The following RBFOX1 variants were observed in gnomAD, a reference collection of about 807,000 sequenced individuals.
RBFOX1 encodes RNA binding protein fox-1 homolog 1.
Under a neutral mutation model 57.7 loss-of-function variants are expected in RBFOX1, and 8 were observed. The ratio of observed to expected loss-of-function variants is 0.14; its 90% CI spans 0.08 to 0.25. The LOEUF (loss-of-function observed/expected upper bound fraction) is 0.25, where lower values mean the gene tolerates loss of function less well. Ranked by LOEUF, RBFOX1 falls within the 10% of genes least tolerant of loss-of-function variation. The pLI is 1.00. For synonymous variants in RBFOX1, 326 were observed against 222.4 expected, an observed-to-expected ratio of 1.47 and a Z score of -4.15; for missense variants, 611 against 548.5, an observed-to-expected ratio of 1.11 and a Z score of -1.14.
chr16:7,338,860 C>G (rs1051418683), intron 4 of RBFOX1, among the ~76,000 whole-genome samples: 1 of 152,148 alleles, frequency 6.6e-6, no homozygotes. Flanking sequence ...GCTGGCATTT[C>G]AGGTCTTGAT....
chr16:6,983,624 C>A (rs558791387), intron 3 of RBFOX1: 1 of 152,256 alleles, frequency 6.6e-6, no homozygotes, highest in South Asian at 2.1e-4. Flanking sequence ...ATATTAATTT[C>A]TTAATTTTTC....
At chr16:7,110,215 C>T (rs945941809) in intron 4 of RBFOX1, among the ~76,000 whole-genome samples, 1 of 149,184 alleles carries the variant, frequency 6.7e-6, no homozygotes, top group Non-Finnish European at 1.5e-5. Context: ...GAAAAAATAG[C>T]CAGGTGTGGC....
At chr16:6,373,874 A>C (rs1306830983) in intron 2 of RBFOX1, among the ~76,000 whole-genome samples, 1 of 152,124 alleles carries the variant, frequency 6.6e-6, no homozygotes, top group Non-Finnish European at 1.5e-5. Flanking sequence ...CTGTTTAAGA[A>C]GTTATTTTGG....
At chr16:5,790,551 A>T (rs1226975009) in intron 3 of RBFOX1, among the ~76,000 whole-genome samples, 2 of 151,778 alleles carry the variant, frequency 1.3e-5, no homozygotes. Flanking sequence ...AATGTAGCAC[A>T]TGTGGTAAAA....
intron 3 of RBFOX1, among the ~76,000 whole-genome samples, chr16:6,996,643 G>T (rs960970041): frequency 1.3e-5 from 2 of 152,180 alleles, no homozygotes; most frequent in South Asian, 4.1e-4. Flanking sequence ...GACGCACAAA[G>T]AAGCTAATTA....
chr16:5,717,121 G>C (rs1421301086), intron 3 of RBFOX1, among the ~76,000 whole-genome samples: 19 of 152,080 alleles, frequency 1.2e-4, no homozygotes, highest in Admixed American at 1.2e-3. Context: ...AGAGGGTCTG[G>C]TAGAAAGAGC....
chr16:6,041,167 C>T (rs77723113), intron 1 of RBFOX1, among the ~76,000 whole-genome samples: 12,693 of 152,132 alleles, frequency 0.083, 655 homozygotes, highest in African/African-American at 0.13. Context: ...TCCTGTTTTG[C>T]CTTTTCCAGA....
chr16:6,134,898 G>T (rs541055359), intron 1 of RBFOX1, among the ~76,000 whole-genome samples: 5 of 152,016 alleles, frequency 3.3e-5, no homozygotes, highest in Non-Finnish European at 7.4e-5. Context: ...ACAACGTGCA[G>T]GGTTGTTACA....
intron 2 of RBFOX1, among the ~76,000 whole-genome samples, chr16:6,488,604 A>G (rs1378626495): frequency 3.9e-5 from 6 of 152,202 alleles, no homozygotes; most frequent in African/African-American, 4.8e-5. Context: ...TCTGATTCCA[A>G]TATGCTAAGA....
intron 3 of RBFOX1, among the ~76,000 whole-genome samples, chr16:6,695,192 G>A (rs892705650): frequency 6.6e-6 from 1 of 152,098 alleles, no homozygotes; most frequent in Non-Finnish European, 1.5e-5. Context: ...GGCCAAGGCG[G>A]TTGGGTCGCC....
chr16:6,075,175 C>G (rs1024822381), intron 1 of RBFOX1, among the ~76,000 whole-genome samples: 3 of 152,168 alleles, frequency 2.0e-5, no homozygotes, highest in South Asian at 4.2e-4. Flanking sequence ...ACGTCAGACA[C>G]GAAGCATGGA....
At chr16:6,528,405 C>G (rs761856730) in intron 2 of RBFOX1, among the ~76,000 whole-genome samples, 9 of 152,206 alleles carry the variant, frequency 5.9e-5, no homozygotes, top group Non-Finnish European at 1.3e-4. Flanking sequence ...ACCATCAATG[C>G]ACAGTCATTG....
intron 2 of RBFOX1, among the ~76,000 whole-genome samples, chr16:5,515,703 G>C (rs2151732540): frequency 6.6e-6 from 1 of 152,220 alleles, no homozygotes; most frequent in East Asian, 1.9e-4. Context: ...AATAGTTTTG[G>C]GAAATATGGC....
intron 1 of RBFOX1, among the ~76,000 whole-genome samples, chr16:5,459,709 C>G (rs968152902): frequency 3.9e-5 from 6 of 152,226 alleles, no homozygotes; most frequent in African/African-American, 1.2e-4. Context: ...CCCCGACTCA[C>G]AGCACACATA....
At chr16:6,652,567 C>T (rs1314099476) in intron 2 of RBFOX1, among the ~76,000 whole-genome samples, 2 of 152,122 alleles carry the variant, frequency 1.3e-5, no homozygotes, top group African/African-American at 4.8e-5. Context: ...AGAGGGACCT[C>T]ACCAGGAACC....
chr16:6,025,534 C>G (rs1427359992), intron 1 of RBFOX1, among the ~76,000 whole-genome samples: 1 of 152,182 alleles, frequency 6.6e-6, no homozygotes, highest in Non-Finnish European at 1.5e-5. Flanking sequence ...GCCGCACCCT[C>G]CCACCACCAC....
intron 3 of RBFOX1, among the ~76,000 whole-genome samples, chr16:6,958,942 A>T (rs2082391170): frequency 6.6e-6 from 1 of 152,164 alleles, no homozygotes; most frequent in Admixed American, 6.5e-5. Flanking sequence ...CATAGGCAGC[A>T]TGGTTCTATG....
At chr16:6,203,239 C>T (rs535483548) in intron 1 of RBFOX1, among the ~76,000 whole-genome samples, 1 of 152,282 alleles carries the variant, frequency 6.6e-6, no homozygotes, top group South Asian at 2.1e-4. Flanking sequence ...CTTTGACTGA[C>T]ACTTCTGTAC....
chr16:5,778,552 C>G (rs1295020700), intron 3 of RBFOX1, among the ~76,000 whole-genome samples: 1 of 152,188 alleles, frequency 6.6e-6, no homozygotes, highest in Admixed American at 6.5e-5. Flanking sequence ...GCTGGTTCAA[C>G]CTGCTCTGAG....
Sources: gnomAD v4.1 joint callset for allele counts (sites outside exome capture counted in the v4.1 genomes callset) on GRCh38, gnomAD v4.1.1 for gene constraint, MANE v1.5 for transcripts, NCBI Gene and HGNC (gene_info 2026-07-23, HGNC 2026-07-21) for gene names.